VPS26A: variants seen among roughly 807,000 people sequenced by gnomAD.
VPS26A encodes vacuolar protein sorting-associated protein 26A.
In VPS26A, 22 loss-of-function variants were observed where a neutral mutation model predicts 42.4. That is an observed-to-expected ratio of 0.52 (90% confidence interval 0.37 to 0.74). The LOEUF is 0.74. Among genes scored for constraint, VPS26A ranks in the 30% least tolerant of loss-of-function variants. The probability of loss-of-function intolerance (pLI) is 0.00; values close to 1 mark genes in which losing one functional copy is unlikely to be tolerated. For synonymous variants in VPS26A, 110 were observed against 123.5 expected, an observed-to-expected ratio of 0.89 and a Z score of 0.73; for missense variants, 276 against 379.2, an observed-to-expected ratio of 0.73 and a Z score of 2.26.
intron 2 of VPS26A, among the ~76,000 whole-genome samples, chr10:69,136,565 G>A (rs575494969): frequency 5.3e-5 from 8 of 151,898 alleles, no homozygotes; most frequent in African/African-American, 1.9e-4. Context: ...TACCATGGCT[G>A]GCCTTTTTTC....
At chr10:69,153,298 C>G (rs963597642) in intron 2 of VPS26A, among the ~76,000 whole-genome samples, 3 of 151,958 alleles carry the variant, frequency 2.0e-5, no homozygotes, top group African/African-American at 7.2e-5. Context: ...AATCCACTGT[C>G]CTCGGCCTCC....
intron 8 of VPS26A, 94 bp from the exon 9 acceptor site, chr10:69,171,062 T>C (rs1841802105): frequency 9.6e-7 from 1 of 1,042,674 alleles, no homozygotes; most frequent in Non-Finnish European, 1.4e-6. Context: ...GGGAAGAATT[T>C]AATTTTATTA....
At chr10:69,168,718 C>G in intron 8 of VPS26A, 87 bp downstream of exon 8, 1 of 1,475,364 alleles carries the variant, frequency 6.8e-7, no homozygotes, top group Non-Finnish European at 9.1e-7. Flanking sequence ...CTGTACTGAG[C>G]GAGTGGGAGT....
At chr10:69,155,401 A>G (rs113970269) in intron 2 of VPS26A, among the ~76,000 whole-genome samples, 5 of 152,324 alleles carry the variant, frequency 3.3e-5, no homozygotes, top group African/African-American at 1.2e-4. Flanking sequence ...CTTGATTTAA[A>G]TGTCCTGGAA....
At chr10:69,138,488 G>A (rs1395531539) in intron 2 of VPS26A, among the ~76,000 whole-genome samples, 3 of 152,144 alleles carry the variant, frequency 2.0e-5, no homozygotes, top group African/African-American at 7.2e-5. Flanking sequence ...GGTATGACAA[G>A]ATGTTTAAGG....
At chr10:69,150,163 C>G (rs150728084) in intron 2 of VPS26A, among the ~76,000 whole-genome samples, 1 of 151,754 alleles carries the variant, frequency 6.6e-6, no homozygotes, top group Non-Finnish European at 1.5e-5. Flanking sequence ...TAGTGATACT[C>G]CCACCTCAGC....
At chr10:69,129,782 C>G (rs946011564) in intron 1 of VPS26A, among the ~76,000 whole-genome samples, 7 of 152,174 alleles carry the variant, frequency 4.6e-5, no homozygotes, top group Non-Finnish European at 1.0e-4. Context: ...CTTGGCCTCC[C>G]AAAGTGCTGG....
In VPS26A at chr10:69,174,215, C is replaced by CCATT. The variant is rs199745823; in HGVS notation, c.*2947_*2948insATTC. Among the ~76,000 whole-genome samples, 1 of 55,120 alleles carries CCATT rather than the reference C, an allele frequency of 1.8e-5. No homozygotes were observed. Among genetic ancestry groups the CCATT allele is most frequent in the African/African-American group, 3.7e-5 (1 of 27,380 alleles). 36.2% of individuals were successfully genotyped at this position (55,120 alleles called of 152,430 possible). On this transcript the variant is annotated 3_prime_UTR_variant, in exon 9 of 9. Coordinates refer to ENST00000263559, the MANE Select transcript of VPS26A (RefSeq NM_004896.5). ...ACACTCAAGGCGAAGGTCCACGGCT[C>CCATT]CGTTAAGTCAGCGAGACCGCAAACC...
intron 2 of VPS26A, among the ~76,000 whole-genome samples, chr10:69,153,281 C>G (rs1841361495): frequency 6.6e-6 from 1 of 152,008 alleles, no homozygotes; most frequent in South Asian, 2.1e-4. Context: ...AACTCCTCAT[C>G]TCAAGTAATC....
chr10:69,155,941 G>T, intron 3 of VPS26A, 54 bp downstream of exon 3: 2 of 1,425,016 alleles, frequency 1.4e-6, no homozygotes, highest in Non-Finnish European at 1.9e-6. Context: ...ATTTGAAGAG[G>T]GTTGGATTTT....
intron 2 of VPS26A, among the ~76,000 whole-genome samples, chr10:69,136,325 C>CG (rs1840908930): frequency 6.7e-6 from 1 of 150,368 alleles, no homozygotes; most frequent in African/African-American, 2.5e-5. Context: ...AGTGCAGTGG[C>CG]GTGATCTTGG....
chr10:69,135,344 T>C (rs539677462), intron 2 of VPS26A, among the ~76,000 whole-genome samples: 82 of 152,330 alleles, frequency 5.4e-4, no homozygotes, highest in African/African-American at 1.9e-3. Flanking sequence ...CCTGGACCAG[T>C]TGAAGTTCAT....
chr10:69,149,727 GTTTTTTGTTTT>G (rs1215131203), intron 2 of VPS26A, among the ~76,000 whole-genome samples: 2,223 of 93,764 alleles, frequency 0.024, 271 homozygotes, highest in African/African-American at 0.1. Flanking sequence ...CTTTCTTGGT[GTTTTTTGTTTT>G]TTTTTTTTTT....
rs144900906 is a variant in VPS26A at position 69,173,245 on chromosome 10, A to T, written c.*1976A>T. Among the ~76,000 whole-genome samples the T allele has an allele frequency of 4.1e-4, 62 of 152,352 alleles. No individual in the cohort carries two copies. Among genetic ancestry groups the T allele is most frequent in the Non-Finnish European group, 2.4e-4 (16 of 68,038 alleles). On this transcript the variant is annotated 3_prime_UTR_variant, in exon 9 of 9. Transcript: ENST00000263559. ...TCCATTGGTTCTCAACCCTGGCTGC[A>T]TATCAGAATCACCTTAGAAGCTTTT...
intron 2 of VPS26A, among the ~76,000 whole-genome samples, chr10:69,151,279 A>AAAAAAAAAAAAAAAAAAAAAC (rs1841306968): frequency 9.4e-6 from 1 of 106,252 alleles, no homozygotes; most frequent in African/African-American, 2.9e-5. Context: ...AAAAAAAAAA[A>AAAAAAAAAAAAAAAAAAAAAC]AAAACACACA....
chr10:69,129,069 T>C (rs1840720087), intron 1 of VPS26A, among the ~76,000 whole-genome samples: 1 of 151,424 alleles, frequency 6.6e-6, no homozygotes, highest in Non-Finnish European at 1.5e-5. Flanking sequence ...AAATGAGTTA[T>C]AAATGTGGAT....
At chr10:69,136,982 G>A (rs958626708) in intron 2 of VPS26A, among the ~76,000 whole-genome samples, 10 of 151,668 alleles carry the variant, frequency 6.6e-5, no homozygotes, top group African/African-American at 2.2e-4. Context: ...AGTAGAGATG[G>A]CGTTTCACCA....
Position 69,172,667 on chromosome 10 carries a change from A to G in VPS26A, c.*1398A>G, listed in dbSNP as rs565651527. On this transcript the variant is annotated 3_prime_UTR_variant, in exon 9 of 9. Coordinates refer to ENST00000263559, the MANE Select transcript of VPS26A (RefSeq NM_004896.5). ...GCTGGAGCATCTGTTCTACATGTGG[A>G]TATCTATGAATGGTAATGTTTTCCT... 6 of 152,772 alleles carry G rather than the reference A, an allele frequency of 3.9e-5. No homozygotes were observed. Among genetic ancestry groups the G allele is most frequent in the East Asian group, 1.9e-4 (1 of 5,192 alleles). 9.5% of individuals were successfully genotyped at this position (152,772 alleles called of 1,614,324 possible).
chr10:69,162,802 A>G lies in VPS26A; in HGVS notation c.658+290A>G, dbSNP rs375359060. On this transcript the variant is annotated intron_variant, in intron 6 of 8. Coordinates refer to ENST00000263559, the MANE Select transcript of VPS26A (RefSeq NM_004896.5). ...TCTTATTTCTGTACTCTAGCTACTC[A>G]TAGGTAATATGTTTATTATAAGTTT... Among the ~76,000 whole-genome samples, 12 of 152,356 alleles carry G rather than the reference A, an allele frequency of 7.9e-5. No individual in the cohort carries two copies. The East Asian group carries it at 2.1e-3, about 27-fold the overall frequency.
Sources: gnomAD v4.1 joint callset for allele counts (sites outside exome capture counted in the v4.1 genomes callset) on GRCh38, gnomAD v4.1.1 for gene constraint, MANE v1.5 for transcripts, NCBI Gene and HGNC (gene_info 2026-07-23, HGNC 2026-07-21) for gene names.